SYNJ2: variants seen among roughly 807,000 people sequenced by gnomAD.
SYNJ2 encodes the protein synaptojanin 2.
SYNJ2 carries 116 observed loss-of-function variants against 141.3 expected under a neutral mutation model. The observed-to-expected ratio is 0.82, with a 90% CI of 0.71 to 0.96. The LOEUF is 0.96. Among genes scored for constraint, SYNJ2 ranks in the 40% least tolerant of loss-of-function variants. The pLI is 0.00. For missense variants in SYNJ2, 1,873 were observed against 1,934.8 expected (o/e 0.97, Z 0.60); for synonymous variants, 745 against 777.7 (o/e 0.96, Z 0.70).
In SYNJ2 at chr6:158,064,642, A is replaced by C. The variant is rs1414242608; in HGVS notation, c.1251A>C (p.Lys417Asn). Reference protein sequence around the residue: ...LQLKTLGLSSKPIVDRFVESF... With the variant: ...LQLKTLGLSSNPIVDRFVESF... ...TCAAGACCCTGGGGCTGAGTTCAAA[A>C]CCCATCGTTGACCGCTTTGTGGAGT... is the stretch of plus-strand genomic sequence containing the variant. The change falls in exon 10 of 27, where the codon AAA becomes AAC. Residue 417 changes from lysine to asparagine, a missense_variant. Transcript: ENST00000355585. 6.8e-6 allele frequency: 11 copies of C among 1,613,730 alleles called. No homozygotes were observed. Among genetic ancestry groups the C allele is most frequent in the Non-Finnish European group, 9.3e-6 (11 of 1,179,984 alleles).
At chr6:158,078,701 A>G (rs1782479829) in intron 18 of SYNJ2, 2 of 153,906 alleles carry the variant, frequency 1.3e-5, no homozygotes, top group Admixed American at 6.4e-5. Context: ...GGAACTTACA[A>G]CTTATCCATT....
intron 1 of SYNJ2, among the ~76,000 whole-genome samples, chr6:157,998,480 C>T (rs1350769501): frequency 6.6e-6 from 1 of 152,150 alleles, no homozygotes; most frequent in African/African-American, 2.4e-5. Context: ...TTGGGGTTCC[C>T]AGGGAACCAG....
intron 7 of SYNJ2, 188 bp downstream of exon 7, chr6:158,059,541 A>T: frequency 1.5e-6 from 2 of 1,344,144 alleles, no homozygotes; most frequent in African/African-American, 1.5e-5. Flanking sequence ...TGATACAGTG[A>T]GTGTAATTTC....
intron 4 of SYNJ2, among the ~76,000 whole-genome samples, chr6:158,038,227 G>A (rs1583376169): frequency 6.6e-6 from 1 of 152,298 alleles, no homozygotes; most frequent in East Asian, 1.9e-4. Flanking sequence ...GCTTCCTAGT[G>A]TGTGTGTTTT....
Position 158,071,873 on chromosome 6 carries a change from C to T in SYNJ2, c.2133+79C>T, listed in dbSNP as rs1331344046. The T allele has an allele frequency of 6.7e-7, 1 of 1,503,534 alleles. No homozygotes were observed. The highest frequency in any genetic ancestry group is 9.0e-7 in the Non-Finnish European group (1 of 1,115,532). The allele number at this position is 1,503,534 out of a possible 1,614,324, so 93.1% of individuals were successfully genotyped here. A position where few individuals can be genotyped will look rare whatever the true frequency, so the allele number is the denominator to read the frequency against. On this transcript the variant is annotated intron_variant, in intron 15 of 26. Coordinates refer to ENST00000355585, the MANE Select transcript of SYNJ2 (RefSeq NM_003898.4). This position sits in a 1 kb window ranked among gnomAD's most constrained non-coding sequence, Gnocchi z 4.3. ...TGTGACTGTTGATAGGAGCCAGGCA[C>T]TGGGGACACAACCACAGGGAGGGCC...
intron 8 of SYNJ2, among the ~76,000 whole-genome samples, chr6:158,063,467 T>C (rs1395572939): frequency 6.6e-6 from 1 of 152,052 alleles, no homozygotes; most frequent in African/African-American, 2.4e-5. Flanking sequence ...GAGACTAGCC[T>C]GGCCAATGTG....
In SYNJ2 at chr6:158,074,630, C is replaced by G. The variant is rs773089199; in HGVS notation, c.2184C>G (p.Asn728Lys). ...HDYVFWCGDF[N>K]YRIDLTYEEV... ...ATGTATTTTGGTGTGGCGATTTCAA[C>G]TACCGCATTGATCTTACTTATGAAG... Residue 728 changes from asparagine (N) to lysine (K), a missense_variant, in exon 16 of 27, where the codon AAC becomes AAG. Transcript: ENST00000355585. 2 of 1,613,892 alleles carry G rather than the reference C, an allele frequency of 1.2e-6. No homozygotes were observed. Among genetic ancestry groups the G allele is most frequent in the Non-Finnish European group, 1.7e-6 (2 of 1,180,004 alleles).
At position 158,071,920 on chromosome 6, in the gene SYNJ2, T is replaced by C. The variant is rs1186035316; in HGVS notation, c.2133+126T>C. On this transcript the variant is annotated intron_variant, in intron 15 of 26. Transcript: ENST00000355585. The surrounding 1 kb of genome is among the most constrained non-coding windows in gnomAD (Gnocchi z 4.3). ...GGCCCCTTCCTGGAGGGCTCAGCGC[T>C]GGGGGAGGGGGAGAGGGCTATGTCC... 2.7e-5 allele frequency: 31 copies of C among 1,141,352 alleles called. No homozygotes were observed. Among genetic ancestry groups the C allele is most frequent in the Non-Finnish European group, 3.6e-5 (30 of 825,078 alleles). The allele number at this position is 1,141,352 out of a possible 1,614,324, so 70.7% of individuals were successfully genotyped here. A position where few individuals can be genotyped will look rare whatever the true frequency, so the allele number is the denominator to read the frequency against.
At chr6:158,069,396 T>G in intron 13 of SYNJ2, 137 bp from the exon 14 acceptor site, 6 of 1,100,120 alleles carry the variant, frequency 5.5e-6, no homozygotes, top group Non-Finnish European at 7.7e-6. Flanking sequence ...AAGGAAAGCA[T>G]GACACTAATA....
chr6:158,022,949 C>G (rs1475948719), intron 2 of SYNJ2, among the ~76,000 whole-genome samples: 5 of 152,214 alleles, frequency 3.3e-5, no homozygotes, highest in African/African-American at 1.2e-4. Flanking sequence ...AGGACACTTT[C>G]CTTAAAACCC....
chr6:157,992,359 GT>G (rs1384437707), intron 1 of SYNJ2, among the ~76,000 whole-genome samples: 4 of 146,866 alleles, frequency 2.7e-5, no homozygotes, highest in Admixed American at 1.4e-4. Context: ...CCACAAATAA[GT>G]GAGAATATGC....
At chr6:158,001,242 G>A (rs1244199063) in intron 1 of SYNJ2, 1 of 152,118 alleles carries the variant, frequency 6.6e-6, no homozygotes, top group Middle Eastern at 3.2e-3. Flanking sequence ...GGGCTGTGTG[G>A]AATCAAAAAA....
chr6:158,056,048 G>C (rs545431150), intron 6 of SYNJ2, among the ~76,000 whole-genome samples: 1 of 152,218 alleles, frequency 6.6e-6, no homozygotes, highest in East Asian at 1.9e-4. Context: ...AGATTTTAGG[G>C]AGTCGCCTGG....
At position 158,043,419 on chromosome 6, in the gene SYNJ2, A is replaced by G; in HGVS notation, c.795+20A>G. On this transcript the variant is annotated intron_variant, in intron 5 of 26. Transcript: ENST00000355585. The surrounding 1 kb of genome is among the most constrained non-coding windows in gnomAD (Gnocchi z 4.0). ...CTTCAGGTAGGTCATGAAAAAACTT[A>G]AATGTCCCCTTGTGATGTTGTCCGC... is the stretch of plus-strand genomic sequence containing the variant. The G allele has an allele frequency of 6.3e-7, 1 of 1,592,598 alleles. No individual in the cohort carries two copies. The highest frequency in any genetic ancestry group is 8.6e-7 in the Non-Finnish European group (1 of 1,160,800).
chr6:157,984,366 C>T (rs1777120552), intron 1 of SYNJ2, among the ~76,000 whole-genome samples: 1 of 152,118 alleles, frequency 6.6e-6, no homozygotes, highest in South Asian at 2.1e-4. Context: ...GGCTAGCTAG[C>T]TGTTTTACTT....
chr6:158,010,318 G>A (rs1778217199), intron 1 of SYNJ2, among the ~76,000 whole-genome samples: 1 of 152,238 alleles, frequency 6.6e-6, no homozygotes, highest in Non-Finnish European at 1.5e-5. Flanking sequence ...ACATAATTGA[G>A]AAAATACAGT....
In SYNJ2 at chr6:158,020,113, T is replaced by C. The variant is rs1220691754; in HGVS notation, c.214+2823T>C. 1.5e-5 allele frequency among the ~76,000 whole-genome samples: 2 copies of C among 137,088 alleles called. 1 individual carries two copies. The highest frequency in any genetic ancestry group is 6.1e-5 in the African/African-American group (2 of 32,942). The allele number at this position is 137,088 out of a possible 152,430, so 89.9% of individuals were successfully genotyped here. A position where few individuals can be genotyped will look rare whatever the true frequency, so the allele number is the denominator to read the frequency against. On this transcript the variant is annotated intron_variant, in intron 2 of 26. Transcript: ENST00000355585. ...GTGTAACTGACTCCAATTGTGTGAC[T>C]AACTCCACCTGTGTGACTCTGCGTG...
chr6:158,061,278 G>A (rs928511972), intron 7 of SYNJ2, among the ~76,000 whole-genome samples: 4 of 152,254 alleles, frequency 2.6e-5, no homozygotes, highest in African/African-American at 9.6e-5. Flanking sequence ...GAAGCCGGGT[G>A]GCCTGGGTAG....
intron 2 of SYNJ2, among the ~76,000 whole-genome samples, chr6:158,025,469 A>G (rs1367114303): frequency 1.3e-5 from 2 of 152,058 alleles, no homozygotes; most frequent in African/African-American, 4.8e-5. Context: ...TGAGGTCAGG[A>G]GTTCGAGACC....
Sources: allele counts gnomAD v4.1 joint callset (sites outside exome capture counted in the v4.1 genomes callset), GRCh38; gene constraint gnomAD v4.1.1; non-coding constraint Gnocchi (gnomAD v3.1); transcripts MANE v1.5; gene names NCBI Gene and HGNC (gene_info 2026-07-23, HGNC 2026-07-21).